RAB3GAP1: variants seen among roughly 807,000 people sequenced by gnomAD.
RAB3GAP1 encodes RAB3 GTPase activating protein catalytic subunit 1, also known as rab3 GTPase-activating protein catalytic subunit.
RAB3GAP1 carries 86 observed loss-of-function variants against 130.7 expected under a neutral mutation model. The observed-to-expected ratio is 0.66, with a 90% CI of 0.55 to 0.79. RAB3GAP1 has a LOEUF of 0.79. Ranked by LOEUF, RAB3GAP1 falls within the 30% of genes least tolerant of loss-of-function variation. RAB3GAP1 has a pLI of 0.00. For synonymous variants in RAB3GAP1, 367 were observed against 401.7 expected (o/e 0.91, Z 1.03); for missense variants, 1,029 against 1,169.4 (o/e 0.88, Z 1.75).
chr2:135,091,393 A>C (rs1018513817), intron 4 of RAB3GAP1, among the ~76,000 whole-genome samples: 7 of 152,304 alleles, frequency 4.6e-5, no homozygotes, highest in Admixed American at 2.6e-4. Context: ...AAGATAAGAT[A>C]GATAAGTAAG....
chr2:135,116,279 G>A (rs1690970139), intron 7 of RAB3GAP1, among the ~76,000 whole-genome samples: 1 of 151,848 alleles, frequency 6.6e-6, no homozygotes, highest in Non-Finnish European at 1.5e-5. Context: ...ATATTACAAT[G>A]AAGTATATCG....
chr2:135,138,433 G>C (rs1691742155), intron 17 of RAB3GAP1, among the ~76,000 whole-genome samples: 1 of 152,044 alleles, frequency 6.6e-6, no homozygotes, highest in Non-Finnish European at 1.5e-5. Context: ...CTGGGCAACA[G>C]AGCAAGACCC....
At chr2:135,157,845 A>C (rs1214571557) in intron 19 of RAB3GAP1, among the ~76,000 whole-genome samples, 1 of 151,744 alleles carries the variant, frequency 6.6e-6, no homozygotes, top group Non-Finnish European at 1.5e-5. Context: ...AAAAAAAAAA[A>C]AAAACAAAAA....
chr2:135,160,897 C>T lies in RAB3GAP1; in HGVS notation c.2290-1658C>T, dbSNP rs187288627. On this transcript the variant is annotated intron_variant, in intron 19 of 23. Transcript: ENST00000264158. ...GTGTGCGACTTATTCTGAAATTATT[C>T]GAAACAAGTTTATGTCTATAGTATG... is the stretch of plus-strand genomic sequence containing the variant. Among the ~76,000 whole-genome samples, 12 of 151,878 alleles carry T rather than the reference C, an allele frequency of 7.9e-5. No individual in the cohort carries two copies. The East Asian group carries it at 1.2e-3, about 15-fold the overall frequency.
At chr2:135,084,340 A>G (rs1689917515) in intron 3 of RAB3GAP1, among the ~76,000 whole-genome samples, 2 of 152,232 alleles carry the variant, frequency 1.3e-5, no homozygotes, top group Non-Finnish European at 2.9e-5. Flanking sequence ...CATGGGGTAC[A>G]TAATTTGCAA....
intron 3 of RAB3GAP1, among the ~76,000 whole-genome samples, chr2:135,074,281 G>C (rs1689558923): frequency 6.6e-6 from 1 of 152,194 alleles, no homozygotes; most frequent in African/African-American, 2.4e-5. Context: ...TCAAGCTTCT[G>C]CCTGCCAGTT....
At chr2:135,143,656 C>G (rs1347536672) in intron 17 of RAB3GAP1, among the ~76,000 whole-genome samples, 4 of 150,146 alleles carry the variant, frequency 2.7e-5, no homozygotes, top group Non-Finnish European at 5.9e-5. Context: ...TTCCCAGGTT[C>G]ATGCCATTGT....
chr2:135,060,482 G>A (rs1438850255), intron 3 of RAB3GAP1, among the ~76,000 whole-genome samples: 3 of 151,476 alleles, frequency 2.0e-5, no homozygotes, highest in African/African-American at 7.3e-5. Flanking sequence ...GGATGGTCTC[G>A]ATCTCCTGAC....
intron 7 of RAB3GAP1, among the ~76,000 whole-genome samples, chr2:135,120,139 T>C (rs1381044722): frequency 6.6e-6 from 1 of 152,226 alleles, no homozygotes; most frequent in Non-Finnish European, 1.5e-5. Context: ...TATAATACTT[T>C]TACTTATTTG....
At chr2:135,144,620 G>C (rs766487827) in intron 17 of RAB3GAP1, among the ~76,000 whole-genome samples, 1 of 152,328 alleles carries the variant, frequency 6.6e-6, no homozygotes. Flanking sequence ...TTTGTTTGAA[G>C]GTCAGATTTC....
chr2:135,080,788 T>G (rs1689772081), intron 3 of RAB3GAP1, among the ~76,000 whole-genome samples: 1 of 152,200 alleles, frequency 6.6e-6, no homozygotes, highest in Admixed American at 6.5e-5. Context: ...TCCCCTTTGT[T>G]TCTGAATTTC....
At chr2:135,157,481 C>G (rs906708537) in intron 19 of RAB3GAP1, among the ~76,000 whole-genome samples, 1 of 152,100 alleles carries the variant, frequency 6.6e-6, no homozygotes, top group South Asian at 2.1e-4. Context: ...AGTGATTTAT[C>G]GACACATCAA....
chr2:135,055,320 T>C (rs1312549951), intron 2 of RAB3GAP1, among the ~76,000 whole-genome samples: 4 of 152,196 alleles, frequency 2.6e-5, no homozygotes, highest in Non-Finnish European at 5.9e-5. Flanking sequence ...TCAATACTTG[T>C]AGGATAAAGT....
In RAB3GAP1 at chr2:135,127,580, G is replaced by C. The variant is rs377476164; in HGVS notation, c.973+924G>C. ...GATGGTCTCGATCTCCTGACCTCAT[G>C]ATCCGCCCGCCTCGGCCTCCCAAGG... is the stretch of plus-strand genomic sequence containing the variant. On this transcript the variant is annotated intron_variant, in intron 11 of 23. Transcript: ENST00000264158. Among the ~76,000 whole-genome samples the C allele has an allele frequency of 4.6e-5, 7 of 152,122 alleles. No individual in the cohort carries two copies. In the East Asian group the frequency reaches 9.7e-4, roughly 21 times the overall value.
At chr2:135,172,204 C>G (rs1351653831), downstream of RAB3GAP1, among the ~76,000 whole-genome samples, 1 of 151,474 alleles carries the variant, frequency 6.6e-6, no homozygotes, top group Admixed American at 6.6e-5. Context: ...CCGAGGCGGG[C>G]GGATCACATG....
At position 135,167,569 on chromosome 2, in the gene RAB3GAP1, A is replaced by T. The variant is rs932500985; in HGVS notation, c.2710-976A>T. ...TTGTCTTGAATATTCTTTTGATAGGATCATGTTCCATAATGTAGTGCATAC... is the reference window on the plus strand; with the variant it reads ...TTGTCTTGAATATTCTTTTGATAGGTTCATGTTCCATAATGTAGTGCATAC... On this transcript the variant is annotated intron_variant, in intron 23 of 23. Transcript: ENST00000264158. 14 of 782,970 alleles carry T rather than the reference A, an allele frequency of 1.8e-5. No individual in the cohort carries two copies. In the African/African-American group the frequency reaches 1.9e-4, roughly 11 times the overall value. 48.5% of individuals were successfully genotyped at this position (782,970 alleles called of 1,614,324 possible). A position where few individuals can be genotyped will look rare whatever the true frequency, so the allele number is the denominator to read the frequency against.
At chr2:135,084,410 C>A (rs950105830) in intron 3 of RAB3GAP1, among the ~76,000 whole-genome samples, 2 of 152,136 alleles carry the variant, frequency 1.3e-5, no homozygotes, top group African/African-American at 4.8e-5. Flanking sequence ...CTTTTACTTT[C>A]TTGATGGTAT....
intron 5 of RAB3GAP1, among the ~76,000 whole-genome samples, chr2:135,108,782 A>G (rs1690707719): frequency 6.6e-6 from 1 of 152,116 alleles, no homozygotes; most frequent in African/African-American, 2.4e-5. Flanking sequence ...AGTTATCTAG[A>G]TTTTATTCTG....
intron 11 of RAB3GAP1, 100 bp downstream of exon 11, chr2:135,126,756 T>C (rs554324669): frequency 5.8e-6 from 6 of 1,026,098 alleles, no homozygotes; most frequent in Middle Eastern, 2.0e-4. Context: ...ACCTCTTCAG[T>C]TAACACCATG....
Sources: allele counts gnomAD v4.1 joint callset (sites outside exome capture counted in the v4.1 genomes callset), GRCh38; gene constraint gnomAD v4.1.1; transcripts MANE v1.5; gene names NCBI Gene and HGNC (gene_info 2026-07-23, HGNC 2026-07-21).